ZBP1: variants seen among roughly 807,000 people sequenced by gnomAD.
ZBP1 encodes the protein Z-DNA-binding protein 1.
ZBP1 carries 42 observed loss-of-function variants against 41.1 expected under a neutral mutation model. That is an observed-to-expected ratio of 1.02 (90% CI 0.80 to 1.32). The LOEUF is 1.32. Among genes scored for constraint, ZBP1 ranks in the 40% most tolerant of loss-of-function variants. The probability of loss-of-function intolerance (pLI) is 0.00; values close to 1 mark genes in which losing one functional copy is unlikely to be tolerated. For synonymous variants in ZBP1, 214 were observed against 205.2 expected (o/e 1.04, Z -0.37); for missense variants, 562 against 549.7 (o/e 1.02, Z -0.22).
chr20:57,611,079 T>C (rs1431207877), intron 6 of ZBP1, among the ~76,000 whole-genome samples: 1 of 152,192 alleles, frequency 6.6e-6, no homozygotes, highest in Non-Finnish European at 1.5e-5. Context: ...CCACAGCTCC[T>C]AGTACGGCAC....
chr20:57,619,380 T>C (rs2070937750), intron 1 of ZBP1, among the ~76,000 whole-genome samples: 1 of 152,174 alleles, frequency 6.6e-6, no homozygotes, highest in African/African-American at 2.4e-5. Flanking sequence ...ACTTCAAAGA[T>C]TGTGGTGAGG....
chr20:57,611,813 C>A lies in ZBP1; in HGVS notation c.788G>T (p.Arg263Leu), dbSNP rs755567669. ...CTCATTGCTGTGTCCCAGCTGCACCCGTCTCAGTATGGACTGCTCCATGTG... is the reference window on the plus strand; with the variant it reads ...CTCATTGCTGTGTCCCAGCTGCACCAGTCTCAGTATGGACTGCTCCATGTG... ...DIHMEQSILRRVQLGHSNEMR... is the reference protein window; with the variant it reads ...DIHMEQSILRLVQLGHSNEMR... The change falls in exon 6 of 8, where the codon CGG becomes CTG. Residue 263 changes from arginine to leucine, a missense_variant. By Grantham distance (102) the Arg-to-Leu change is moderately radical. Transcript: ENST00000371173. 1.9e-6 allele frequency: 3 copies of A among 1,611,624 alleles called. No homozygotes were observed. Among genetic ancestry groups the A allele is most frequent in the Non-Finnish European group, 1.7e-6 (2 of 1,179,136 alleles).
At chr20:57,619,139 C>T (rs1044612672) in intron 1 of ZBP1, among the ~76,000 whole-genome samples, 4 of 152,246 alleles carry the variant, frequency 2.6e-5, no homozygotes, top group Non-Finnish European at 5.9e-5. Context: ...CCGGAACCTG[C>T]GTCAGCACCC....
chr20:57,604,689 G>C lies in ZBP1; in HGVS notation c.1174C>G (p.Leu392Val). 1.9e-6 allele frequency: 3 copies of C among 1,614,172 alleles called. No individual in the cohort carries two copies. The highest frequency in any genetic ancestry group is 2.5e-6 in the Non-Finnish European group (3 of 1,180,034). Residue 392 changes from leucine (L) to valine (V), a missense_variant, in exon 8 of 8, where the codon CTC becomes GTC. Transcript: ENST00000371173. ...GQPITPSHSKLTPKLETMTLG... is the reference protein window; with the variant it reads ...GQPITPSHSKVTPKLETMTLG... The stretch of plus-strand genomic sequence containing the variant: ...GTCATAGTTTCCAGCTTGGGGGTGA[G>C]CTTCGAGTGGCTGGGAGTGATGGGC...
intron 1 of ZBP1, among the ~76,000 whole-genome samples, chr20:57,619,961 C>T (rs778327223): frequency 2.6e-5 from 4 of 152,054 alleles, no homozygotes; most frequent in Non-Finnish European, 5.9e-5. Flanking sequence ...CTCAGCATCC[C>T]GAGTAGCTGG....
rs2146566526 is a variant in ZBP1 at position 57,610,019 on chromosome 20, G to A, written c.1093+130C>T. The A allele has an allele frequency of 5.8e-6, 6 of 1,035,366 alleles. No individual in the cohort carries two copies. The highest frequency in any genetic ancestry group is 2.2e-5 in the Admixed American group (1 of 46,238). 64.1% of individuals were successfully genotyped at this position (1,035,366 alleles called of 1,614,324 possible). ...CTCTAGAGCTGCTGCTCCTCGCTGT[G>A]GGTGGGCACAGCCTCCAGACTCCGG... On this transcript the variant is annotated intron_variant, in intron 7 of 7. Coordinates refer to ENST00000371173, the MANE Select transcript of ZBP1 (RefSeq NM_030776.3). The surrounding 1 kb of genome is among the most constrained non-coding windows in gnomAD (Gnocchi z 5.5).
rs145926179 is a variant in ZBP1, at chr20:57,609,666, C to T, written c.1093+483G>A. 2.1e-4 allele frequency among the ~76,000 whole-genome samples: 32 copies of T among 152,160 alleles called. No individual in the cohort carries two copies. In the East Asian group the frequency reaches 3.5e-3, roughly 17 times the overall value. On this transcript the variant is annotated intron_variant, in intron 7 of 7. Transcript: ENST00000371173. ...ACATGAGACTTGGGCTTCAAGCAGGCGGGGCCACCGTGTGTGGCATCTCCA... is the reference window on the plus strand; with the variant it reads ...ACATGAGACTTGGGCTTCAAGCAGGTGGGGCCACCGTGTGTGGCATCTCCA...
Position 57,604,412 on chromosome 20 carries a change from A to G in ZBP1, c.*161T>C. 2 of 893,414 alleles carry G rather than the reference A, an allele frequency of 2.2e-6. No individual in the cohort carries two copies. Among genetic ancestry groups the G allele is most frequent in the Non-Finnish European group, 3.6e-6 (2 of 552,448 alleles). The allele number at this position is 893,414 out of a possible 1,614,324, so 55.3% of individuals were successfully genotyped here. A position where few individuals can be genotyped will look rare whatever the true frequency, so the allele number is the denominator to read the frequency against. ...CCATCAAAAGACCTGGCCTGAACCCATCCCCATGCCAGGTCCATTCCCCCA... is the reference window on the plus strand; with the variant it reads ...CCATCAAAAGACCTGGCCTGAACCCGTCCCCATGCCAGGTCCATTCCCCCA... On this transcript the variant is annotated 3_prime_UTR_variant, in exon 8 of 8. Transcript: ENST00000371173.
chr20:57,612,448 G>T (rs1010598594), intron 5 of ZBP1, among the ~76,000 whole-genome samples: 18 of 152,206 alleles, frequency 1.2e-4, no homozygotes, highest in Non-Finnish European at 2.6e-4. Flanking sequence ...GGGCTCAGAA[G>T]ATTAAAGCTA....
At chr20:57,607,817 A>G (rs2070534350) in intron 7 of ZBP1, among the ~76,000 whole-genome samples, 1 of 152,224 alleles carries the variant, frequency 6.6e-6, no homozygotes, top group South Asian at 2.1e-4. Flanking sequence ...TTTTAGCAAT[A>G]AAGTATTTTA....
In ZBP1 at chr20:57,611,389, C is replaced by T. The variant is rs146488633; in HGVS notation, c.874+338G>A. On this transcript the variant is annotated intron_variant, in intron 6 of 7. Coordinates refer to ENST00000371173, the MANE Select transcript of ZBP1 (RefSeq NM_030776.3). ...CCTTCCGAGTGGCTAGGACTACAGG[C>T]GCAAGCCACCATGCCCGGTTAATTT... 5.7e-4 allele frequency among the ~76,000 whole-genome samples: 86 copies of T among 150,532 alleles called. No homozygotes were observed. The East Asian group carries it at 0.015, about 27-fold the overall frequency.
At position 57,604,560 on chromosome 20, in the gene ZBP1, G is replaced by GT; in HGVS notation, c.*12dup. ...CCCCCAGCCTGTGTCCAAGCCCCACGTGAGGCTGTGCACTAAATCCCACCT... is the reference window on the plus strand; with the variant it reads ...CCCCCAGCCTGTGTCCAAGCCCCACGTTGAGGCTGTGCACTAAATCCCACCT... On this transcript the variant is annotated 3_prime_UTR_variant, in exon 8 of 8. Transcript: ENST00000371173. 1 of 1,610,980 alleles carries GT rather than the reference G, an allele frequency of 6.2e-7. No individual in the cohort carries two copies. The highest frequency in any genetic ancestry group is 8.5e-7 in the Non-Finnish European group (1 of 1,178,134).
In ZBP1 at chr20:57,616,097, A is replaced by C. The variant is rs908369435; in HGVS notation, c.259+147T>G. On this transcript the variant is annotated intron_variant, in intron 2 of 7. Transcript: ENST00000371173. ...AGCCCTGCTGTGAGCTCCATCAACCAGAAAAAGAAACCAAGGCACAGAGAG... is the reference window on the plus strand; with the variant it reads ...AGCCCTGCTGTGAGCTCCATCAACCCGAAAAAGAAACCAAGGCACAGAGAG... 7.1e-5 allele frequency: 54 copies of C among 759,270 alleles called. No homozygotes were observed. In the African/African-American group the frequency reaches 8.0e-4, roughly 11 times the overall value. 47.0% of individuals were successfully genotyped at this position (759,270 alleles called of 1,614,324 possible). A position where few individuals can be genotyped will look rare whatever the true frequency, so the allele number is the denominator to read the frequency against.
At chr20:57,606,035 A>G (rs183666516) in intron 7 of ZBP1, among the ~76,000 whole-genome samples, 1 of 152,378 alleles carries the variant, frequency 6.6e-6, no homozygotes, top group East Asian at 1.9e-4. Context: ...AAAGTGAGAA[A>G]TGATTAAGCT....
At chr20:57,607,109 G>T in intron 7 of ZBP1, 2 of 1,304,296 alleles carry the variant, frequency 1.5e-6, no homozygotes, top group Non-Finnish European at 2.0e-6. Flanking sequence ...AACACAGAGT[G>T]ATTCCTCAGA....
chr20:57,611,262 TGAGATGGAGTCTCACTCTGTCACCCA>T (rs892835609), intron 6 of ZBP1, among the ~76,000 whole-genome samples: 2 of 152,128 alleles, frequency 1.3e-5, no homozygotes, highest in African/African-American at 4.8e-5. Flanking sequence ...ATTTATTTAT[TGAGATGGAGTCTCACTCTGTCACCCA>T]GACTGGAGTG....
chr20:57,619,538 A>T (rs2070942271), intron 1 of ZBP1, among the ~76,000 whole-genome samples: 1 of 152,258 alleles, frequency 6.6e-6, no homozygotes, highest in Admixed American at 6.5e-5. Flanking sequence ...AATGAATGAA[A>T]TGTTAGTTGA....
At chr20:57,612,336 T>G (rs2070696819) in intron 5 of ZBP1, among the ~76,000 whole-genome samples, 1 of 152,226 alleles carries the variant, frequency 6.6e-6, no homozygotes, top group African/African-American at 2.4e-5. Context: ...ACACTTAAAA[T>G]AATACTATAA....
intron 7 of ZBP1, among the ~76,000 whole-genome samples, chr20:57,605,633 A>C (rs888069845): frequency 6.6e-6 from 1 of 152,170 alleles, no homozygotes; most frequent in African/African-American, 2.4e-5. Context: ...GAAATTAGGA[A>C]AATTCATAAC....
Sources: gnomAD v4.1 joint callset for allele counts (sites outside exome capture counted in the v4.1 genomes callset) on GRCh38, gnomAD v4.1.1 for gene constraint, Gnocchi (gnomAD v3.1) non-coding constraint, MANE v1.5 for transcripts, NCBI Gene and HGNC (gene_info 2026-07-23, HGNC 2026-07-21) for gene names.